The following GSDMD variants were observed in gnomAD, a reference collection of about 807,000 sequenced individuals.
The protein encoded by GSDMD is gasdermin-D.
A neutral mutation model predicts 46.7 loss-of-function variants in GSDMD; 46 were observed. That is an observed-to-expected ratio of 0.99 (90% CI 0.78 to 1.26). The LOEUF is 1.26. Among genes scored for constraint, GSDMD ranks in the 50% most tolerant of loss-of-function variants. GSDMD has a pLI of 0.00. For missense variants in GSDMD, 649 were observed against 638.8 expected (o/e 1.02, Z -0.17); for synonymous variants, 307 against 283.1 (o/e 1.08, Z -0.85).
intron 3 of GSDMD, chr8:143,560,356 G>T (rs1303338738): frequency 7.5e-6 from 5 of 664,572 alleles, no homozygotes; most frequent in Non-Finnish European, 1.4e-5. Flanking sequence ...ACAAGGGGTG[G>T]TGTGAACACG....
intron 1 of GSDMD, 196 bp downstream of exon 1, chr8:143,558,647 T>C (rs1823369597): frequency 5.1e-6 from 3 of 590,828 alleles, no homozygotes; most frequent in South Asian, 4.1e-5. Flanking sequence ...CCTTTGGACC[T>C]GGGCTTGGGC....
At chr8:143,560,307 G>T in intron 3 of GSDMD, 1 of 690,182 alleles carries the variant, frequency 1.4e-6, no homozygotes. Flanking sequence ...GCCAGGACTG[G>T]ATCCTAAGGA....
chr8:143,556,937 A>AC, upstream of GSDMD, among the ~76,000 whole-genome samples: 1 of 152,266 alleles, frequency 6.6e-6, no homozygotes, highest in Non-Finnish European at 1.5e-5. Flanking sequence ...TGCAAACATC[A>AC]CCAACGGCCA....
chr8:143,556,251 A>C (rs1452425945), upstream of GSDMD, among the ~76,000 whole-genome samples: 1 of 152,028 alleles, frequency 6.6e-6, no homozygotes, highest in Non-Finnish European at 1.5e-5. Context: ...GTGGTGGTAC[A>C]TGCCTGTAGT....
upstream of GSDMD, chr8:143,557,888 G>GTTGT (rs928966477): frequency 2.5e-5 from 11 of 441,232 alleles, no homozygotes; most frequent in African/African-American, 2.2e-4. Context: ...CAGGCCCAAA[G>GTTGT]TTGTTTGTTT....
Position 143,562,317 on chromosome 8 carries a change from A to T in GSDMD, c.1105A>T (p.Ile369Phe). ...SSGMLVPELA[I>F]PVVYLLGALT... ...CGGAATGCTGGTGCCGGAACTCGCT[A>T]TCCCTGTTGTCTACCTGCTGGGGGC... is the stretch of plus-strand genomic sequence containing the variant. The change falls in exon 9 of 11, where the codon ATC becomes TTC. Residue 369 changes from isoleucine to phenylalanine, a missense_variant. By Grantham distance (21) the Ile-to-Phe change is conservative. Transcript: ENST00000262580. 1 of 1,466,922 alleles carries T rather than the reference A, an allele frequency of 6.8e-7. No homozygotes were observed. The highest frequency in any genetic ancestry group is 9.1e-7 in the Non-Finnish European group (1 of 1,101,052). 90.9% of individuals were successfully genotyped at this position (1,466,922 alleles called of 1,614,324 possible). A position where few individuals can be genotyped will look rare whatever the true frequency, so the allele number is the denominator to read the frequency against.
At chr8:143,554,761 CACA>C (rs1207091159), upstream of GSDMD, among the ~76,000 whole-genome samples, 1 of 147,266 alleles carries the variant, frequency 6.8e-6, no homozygotes, top group Non-Finnish European at 1.5e-5. Flanking sequence ...TGCACACGCG[CACA>C]ACAGCCACAC....
intron 1 of GSDMD, chr8:143,559,111 C>T (rs920720805): frequency 8.3e-6 from 5 of 598,966 alleles, no homozygotes; most frequent in African/African-American, 5.6e-5. Flanking sequence ...GCTGGAGGTG[C>T]TCATGGTACC....
chr8:143,556,281 G>A (rs1275974927), upstream of GSDMD, among the ~76,000 whole-genome samples: 1 of 152,226 alleles, frequency 6.6e-6, no homozygotes, highest in Non-Finnish European at 1.5e-5. Context: ...TCGGGAGGCT[G>A]AGGCAGGAGA....
intron 1 of GSDMD, chr8:143,559,131 A>G (rs1823385059): frequency 3.3e-6 from 2 of 602,244 alleles, no homozygotes; most frequent in Non-Finnish European, 5.9e-6. Context: ...CGTAGACAAC[A>G]GGGAGAACAC....
Position 143,561,720 on chromosome 8 carries a change from G to A in GSDMD, c.737-22G>A, listed in dbSNP as rs372119178. The A allele has an allele frequency of 2.2e-5, 35 of 1,586,818 alleles. No individual in the cohort carries two copies. In the African/African-American group the frequency reaches 4.2e-4, roughly 19 times the overall value. The stretch of plus-strand genomic sequence containing the variant: ...CCCTTCCCCGGCACTGACCAGCCCT[G>A]CCCTCCCATGCCCCTGCCCAGGCCA... On this transcript the variant is annotated intron_variant, in intron 6 of 10. Coordinates refer to ENST00000262580, the MANE Select transcript of GSDMD (RefSeq NM_024736.7).
chr8:143,558,306 G>C, upstream of GSDMD: 2 of 1,514,840 alleles, frequency 1.3e-6, no homozygotes, highest in Non-Finnish European at 1.8e-6. Context: ...TCTCCGGGAC[G>C]GTTCCGGGAG....
At chr8:143,560,460 G>A (rs1357536739) in intron 3 of GSDMD, 143 bp from the exon 4 acceptor site, 13 of 841,932 alleles carry the variant, frequency 1.5e-5, no homozygotes, top group East Asian at 5.3e-5. Context: ...GGGAGCACAC[G>A]GAGAGGCTGC....
At chr8:143,560,293 C>A (rs1231027234) in intron 3 of GSDMD, 18 of 687,984 alleles carry the variant, frequency 2.6e-5, no homozygotes, top group South Asian at 2.6e-4. Context: ...CTGGGGCCTC[C>A]GCTGCCAGGA....
chr8:143,558,294 G>T, upstream of GSDMD: 1 of 1,492,952 alleles, frequency 6.7e-7, no homozygotes, highest in Non-Finnish European at 8.9e-7. Context: ...GCCGGGGCGG[G>T]CTCTCCGGGA....
In GSDMD at chr8:143,562,801, A is replaced by T; in HGVS notation, c.1352A>T (p.Glu451Val). 2 of 1,602,878 alleles carry T rather than the reference A, an allele frequency of 1.2e-6. No homozygotes were observed. The highest frequency in any genetic ancestry group is 1.7e-6 in the Non-Finnish European group (2 of 1,175,454). ...GACGAGTGTGGCCTAGAGCTGGGGGAGGACACTCCCCACGTGTGCTGGGAG... is the reference window on the plus strand; with the variant it reads ...GACGAGTGTGGCCTAGAGCTGGGGGTGGACACTCCCCACGTGTGCTGGGAG... ...LLDECGLELGEDTPHVCWEPQ... is the reference protein window; with the variant it reads ...LLDECGLELGVDTPHVCWEPQ... The change falls in exon 11 of 11, where the codon GAG becomes GTG. Residue 451 changes from glutamate to valine, a missense_variant. Physicochemically the swap from Glu to Val is moderately radical, Grantham distance 121 (BLOSUM62 -2). Transcript: ENST00000262580.
chr8:143,559,782 C>T lies in GSDMD; in HGVS notation c.223C>T (p.Gln75Ter). The T allele has an allele frequency of 6.3e-7, 1 of 1,594,718 alleles. No homozygotes were observed. Among genetic ancestry groups the T allele is most frequent in the South Asian group, 1.1e-5 (1 of 87,670 alleles). The change falls in exon 3 of 11, where the codon CAG becomes TAG. Residue 75 changes from glutamine (Q) to a stop codon, truncating the protein, a stop_gained. Transcript: ENST00000262580. LOFTEE classifies it high-confidence loss of function. ...LEPDAAEPDV[Q>*]RGRSFHFYDA... ...CAGGTCTGGCCTTGCTTTAGACGTG[C>T]AGCGTGGCAGGAGCTTCCACTTCTA...
intron 1 of GSDMD, chr8:143,558,926 CT>C: frequency 1.9e-6 from 1 of 539,406 alleles, no homozygotes; most frequent in Non-Finnish European, 3.5e-6. Flanking sequence ...TGGGGCGACA[CT>C]CTGGCTGGGT....
At chr8:143,556,240 T>C (rs889758003), upstream of GSDMD, among the ~76,000 whole-genome samples, 101 of 151,296 alleles carry the variant, frequency 6.7e-4, no homozygotes, top group Non-Finnish European at 5.7e-4. Context: ...ATTAGCCGGG[T>C]GTGGTGGTAC....
Sources: gnomAD v4.1 joint callset for allele counts (sites outside exome capture counted in the v4.1 genomes callset) on GRCh38, gnomAD v4.1.1 for gene constraint, MANE v1.5 for transcripts, NCBI Gene and HGNC (gene_info 2026-07-23, HGNC 2026-07-21) for gene names.